NRG1: variants seen among roughly 807,000 people sequenced by gnomAD.
The protein encoded by NRG1 is neuregulin 1.
A neutral mutation model predicts 63.8 loss-of-function variants in NRG1; 18 were observed. The ratio of observed to expected loss-of-function variants is 0.28; its 90% CI spans 0.19 to 0.42. The LOEUF is 0.42. NRG1 is among the 10% of genes least tolerant of loss of function. The pLI, the probability that NRG1 is intolerant of heterozygous loss-of-function variation, is 1.00. For missense variants in NRG1, 762 were observed against 814.7 expected (o/e 0.94, Z 0.79); for synonymous variants, 302 against 301.3 (o/e 1.00, Z -0.02).
Position 32,375,994 on chromosome 8 carries a change from T to C in NRG1, c.38-219834T>C, listed in dbSNP as rs578200824. ...TTTATTTTCAAGAATAAAATATTTC[T>C]GTTTTCAAATTGGCATCTTACGATT... On this transcript the variant is annotated intron_variant, in intron 1 of 10. Coordinates refer to the NRG1 transcript ENST00000519301. 8.9e-4 allele frequency among the ~76,000 whole-genome samples: 135 copies of C among 152,374 alleles called. 1 individual carries two copies. Among genetic ancestry groups the C allele is most frequent in the African/African-American group, 3.1e-3 (129 of 41,584 alleles).
At chr8:32,321,510 G>GT (rs540239875) in intron 1 of NRG1, among the ~76,000 whole-genome samples, 4,056 of 143,498 alleles carry the variant, frequency 0.028, 88 homozygotes, top group Non-Finnish European at 0.042. Flanking sequence ...ACAGCAGTGG[G>GT]TTTTTTTTTT....
intron 1 of NRG1, among the ~76,000 whole-genome samples, chr8:31,924,272 A>G (rs1411347974): frequency 1.3e-5 from 2 of 151,548 alleles, no homozygotes; most frequent in Admixed American, 6.6e-5. Flanking sequence ...GGTCGCTTGA[A>G]CCCAGGAGGC....
At chr8:31,777,975 G>T (rs940481102) in intron 1 of NRG1, among the ~76,000 whole-genome samples, 4 of 152,120 alleles carry the variant, frequency 2.6e-5, no homozygotes, top group African/African-American at 9.7e-5. Flanking sequence ...GTATGGAGGG[G>T]ACAAATATCC....
At chr8:32,381,164 G>A (rs1043815778) in intron 1 of NRG1, among the ~76,000 whole-genome samples, 9 of 152,094 alleles carry the variant, frequency 5.9e-5, no homozygotes, top group South Asian at 2.1e-4. Context: ...GGTCTCTTTC[G>A]ATTTCTTAAA....
intron 1 of NRG1, among the ~76,000 whole-genome samples, chr8:32,193,922 G>T (rs2132230832): frequency 6.6e-6 from 1 of 152,338 alleles, no homozygotes; most frequent in South Asian, 2.1e-4. Flanking sequence ...CCTGGGACAG[G>T]CCCTTCTCTA....
Position 31,897,786 on chromosome 8 carries a change from G to A in NRG1, c.37+258355G>A, listed in dbSNP as rs112787312. 9.7e-3 allele frequency among the ~76,000 whole-genome samples: 1,467 copies of A among 151,838 alleles called. 19 individuals are homozygous for A. The highest frequency in any genetic ancestry group is 0.016 in the Non-Finnish European group (1,075 of 67,978). On this transcript the variant is annotated intron_variant, in intron 1 of 10. Transcript: ENST00000519301. ...TCCCAGCACTTTGGGAGGCTGAGGCGGGCAGATCACCCGAGGTCAGGAGTT... is the reference window on the plus strand; with the variant it reads ...TCCCAGCACTTTGGGAGGCTGAGGCAGGCAGATCACCCGAGGTCAGGAGTT...
chr8:32,698,132 G>A (rs368781662), intron 5 of NRG1, among the ~76,000 whole-genome samples: 4 of 151,974 alleles, frequency 2.6e-5, no homozygotes, highest in South Asian at 4.2e-4. Flanking sequence ...CTTGAACCCA[G>A]GAGGCAGAGG....
intron 1 of NRG1, among the ~76,000 whole-genome samples, chr8:31,934,577 A>T (rs1835146094): frequency 6.6e-6 from 1 of 151,506 alleles, no homozygotes; most frequent in Admixed American, 6.6e-5. Context: ...TTTCTACTAT[A>T]CAAATTTTAC....
intron 1 of NRG1, among the ~76,000 whole-genome samples, chr8:32,224,451 C>G (rs1846128536): frequency 6.6e-6 from 1 of 152,158 alleles, no homozygotes; most frequent in Admixed American, 6.5e-5. Flanking sequence ...TCCTTCTTTA[C>G]TTAGAACTAT....
At chr8:32,163,474 C>T (rs1481744) in intron 1 of NRG1, among the ~76,000 whole-genome samples, 123,905 of 152,144 alleles carry the variant, frequency 0.81, 51,083 homozygotes, top group African/African-American at 0.92. Flanking sequence ...TCAATGTTGC[C>T]ATATTAATAA....
intron 1 of NRG1, among the ~76,000 whole-genome samples, chr8:32,206,021 C>T (rs892001557): frequency 6.6e-6 from 1 of 151,986 alleles, no homozygotes; most frequent in Admixed American, 6.6e-5. Context: ...GTGGGAGAAT[C>T]CCTTGAGGCC....
exon 11 of NRG1, chr8:32,760,269 A>G: frequency 6.2e-7 from 1 of 1,614,102 alleles, no homozygotes; most frequent in African/African-American, 1.3e-5. Context: ...CATCCGTAGA[A>G]AACAGTAGGC....
chr8:32,225,330 T>G (rs1377303886), intron 1 of NRG1, among the ~76,000 whole-genome samples: 2 of 152,166 alleles, frequency 1.3e-5, no homozygotes, highest in Non-Finnish European at 2.9e-5. Context: ...CTAATAGCTT[T>G]TCAGCATCTT....
At chr8:32,297,410 G>T (rs1855023613) in intron 1 of NRG1, among the ~76,000 whole-genome samples, 1 of 151,746 alleles carries the variant, frequency 6.6e-6, no homozygotes, top group African/African-American at 2.4e-5. Context: ...TGAGCAGAGG[G>T]ATGATGTAAT....
Position 32,256,098 on chromosome 8 carries a change from A to T in NRG1, c.38-339730A>T, listed in dbSNP as rs557771224. 1.2e-4 allele frequency among the ~76,000 whole-genome samples: 18 copies of T among 152,252 alleles called. No homozygotes were observed. The South Asian group carries it at 3.7e-3, about 32-fold the overall frequency. ...CTTCTGTAAAGTGGTTATTCTAGTA[A>T]GCAATTCCTCTAACCTTTTTTCAAG... On this transcript the variant is annotated intron_variant, in intron 1 of 10. Transcript: ENST00000519301.
chr8:31,892,723 G>A (rs73578534), intron 1 of NRG1, among the ~76,000 whole-genome samples: 21,942 of 151,708 alleles, frequency 0.14, 1,984 homozygotes, highest in Non-Finnish European at 0.19. Context: ...TAGCAGGGTG[G>A]GTGTAGAGAG....
At chr8:32,101,390 A>G (rs1438680594) in intron 1 of NRG1, among the ~76,000 whole-genome samples, 1 of 152,076 alleles carries the variant, frequency 6.6e-6, no homozygotes, top group East Asian at 1.9e-4. Context: ...GGAAACAACT[A>G]TGAGGAATAA....
At chr8:32,663,679 G>T (rs551124443) in intron 5 of NRG1, among the ~76,000 whole-genome samples, 1 of 152,080 alleles carries the variant, frequency 6.6e-6, no homozygotes. Context: ...CAAAAAGGAG[G>T]TTATCAAGAG....
At chr8:32,573,299 C>G (rs2129529101) in intron 1 of NRG1, among the ~76,000 whole-genome samples, 1 of 152,262 alleles carries the variant, frequency 6.6e-6, no homozygotes. Context: ...CTGTAGAGAC[C>G]CAACTCTGCA....
Sources: gnomAD v4.1 joint callset for allele counts (sites outside exome capture counted in the v4.1 genomes callset) on GRCh38, gnomAD v4.1.1 for gene constraint, MANE v1.5 for transcripts, NCBI Gene and HGNC (gene_info 2026-07-23, HGNC 2026-07-21) for gene names.